BEST3: variants seen among roughly 807,000 people sequenced by gnomAD.
BEST3 encodes bestrophin-3.
BEST3 carries 50 observed loss-of-function variants against 47.1 expected under a neutral mutation model. The observed-to-expected ratio is 1.06, with a 90% CI of 0.85 to 1.34. The LOEUF is 1.34. BEST3 is among the 40% of genes most tolerant of loss of function. BEST3 has a pLI of 0.00. For synonymous variants in BEST3, 282 were observed against 298.8 expected, an observed-to-expected ratio of 0.94 and a Z score of 0.58; for missense variants, 765 against 817.0, an observed-to-expected ratio of 0.94 and a Z score of 0.78.
intron 9 of BEST3, among the ~76,000 whole-genome samples, chr12:69,666,126 TCTC>T (rs1445669429): frequency 1.3e-5 from 2 of 152,174 alleles, no homozygotes; most frequent in African/African-American, 4.8e-5. Flanking sequence ...TTCAAGTGAT[TCTC>T]CTGCTTCAGC....
At chr12:69,674,913 T>TTTTTTTTA (rs1884808333) in intron 7 of BEST3, among the ~76,000 whole-genome samples, 1 of 101,418 alleles carries the variant, frequency 9.9e-6, no homozygotes, top group Non-Finnish European at 2.1e-5. Context: ...TTTTTTTTTT[T>TTTTTTTTA]GGAGACAGAG....
Position 69,672,908 on chromosome 12 carries a change from A to C in BEST3, c.925T>G (p.Trp309Gly). 6.2e-7 allele frequency: 1 copy of C among 1,613,282 alleles called. No homozygotes were observed. The highest frequency in any genetic ancestry group is 8.5e-7 in the Non-Finnish European group (1 of 1,179,658). Residue 309 changes from tryptophan (W) to glycine (G), a missense_variant, in exon 8 of 10, where the codon TGG (tryptophan) becomes GGG (glycine). Coordinates refer to ENST00000330891, the MANE Select transcript of BEST3 (RefSeq NM_032735.3). ...GEDDDDFETN[W>G]CIDRNLQVSL... is the part of the protein sequence containing the mutation. ...ACCTGCAAATTTCTGTCAATGCACC[A>C]GTTAGTTTCAAAATCATCATCATCT...
chr12:69,649,150 C>T (rs1033279482), downstream of BEST3, among the ~76,000 whole-genome samples: 12 of 152,316 alleles, frequency 7.9e-5, no homozygotes, highest in South Asian at 6.2e-4. Flanking sequence ...TGCGCCACCA[C>T]GCCCGGCTAA....
intron 9 of BEST3, 44 bp downstream of exon 9, chr12:69,671,384 G>T (rs376923706): frequency 7.8e-5 from 120 of 1,532,500 alleles, no homozygotes; most frequent in Middle Eastern, 1.7e-4. Context: ...TCACTATGTT[G>T]CTCAGGCTGG....
chr12:69,658,028 C>T (rs1181416272), intron 9 of BEST3, among the ~76,000 whole-genome samples: 1 of 152,040 alleles, frequency 6.6e-6, no homozygotes, highest in Non-Finnish European at 1.5e-5. Context: ...CCACAGGCAC[C>T]CATTTAGTTA....
chr12:69,644,126 A>G (rs7308313), intron 9 of BEST3, among the ~76,000 whole-genome samples: 51,356 of 152,054 alleles, frequency 0.34, 9,068 homozygotes, highest in South Asian at 0.54. Context: ...TAGGGAATGT[A>G]TTTATAGAGA....
intron 2 of BEST3, among the ~76,000 whole-genome samples, chr12:69,696,968 T>C (rs1028420260): frequency 2.0e-5 from 3 of 152,192 alleles, no homozygotes; most frequent in African/African-American, 7.2e-5. Flanking sequence ...CTATAACTTT[T>C]CATCATAAAA....
At chr12:69,695,967 T>C (rs1218948569) in intron 2 of BEST3, among the ~76,000 whole-genome samples, 2 of 152,124 alleles carry the variant, frequency 1.3e-5, no homozygotes, top group Admixed American at 6.6e-5. Context: ...GTCAAATTCC[T>C]CCAAAAATAG....
At chr12:69,661,994 C>G (rs1396523062) in intron 9 of BEST3, among the ~76,000 whole-genome samples, 1 of 152,068 alleles carries the variant, frequency 6.6e-6, no homozygotes, top group East Asian at 1.9e-4. Context: ...AGTGGGGGTT[C>G]ACTTAAAGTT....
rs1408617094 is a variant in BEST3, at chr12:69,653,865, G to C, written c.*1042C>G. 2.0e-6 allele frequency: 2 copies of C among 985,272 alleles called. No individual in the cohort carries two copies. Among genetic ancestry groups the C allele is most frequent in the African/African-American group, 3.5e-5 (2 of 57,214 alleles). The allele number at this position is 985,272 out of a possible 1,614,324, so 61.0% of individuals were successfully genotyped here. A position where few individuals can be genotyped will look rare whatever the true frequency, so the allele number is the denominator to read the frequency against. On this transcript the variant is annotated 3_prime_UTR_variant, in exon 10 of 10. Transcript: ENST00000330891. ...GACACAGTAACTGGTCCCGTGTTGC[G>C]ACACGATTAGGATTTTTGCATAAGA...
rs1208147558 is a variant in BEST3 at position 69,667,952 on chromosome 12, T to A, written c.1100+3476A>T. On this transcript the variant is annotated intron_variant, in intron 9 of 9. Coordinates refer to ENST00000330891, the MANE Select transcript of BEST3 (RefSeq NM_032735.3). ...TTAAGATAGAAAGAAGGAAAATTAA[T>A]TTATTTGAGTTATATATATTTGGTA... 2.0e-5 allele frequency among the ~76,000 whole-genome samples: 3 copies of A among 152,324 alleles called. No individual in the cohort carries two copies. In the East Asian group the frequency reaches 5.8e-4, roughly 29 times the overall value.
chr12:69,684,566 A>C (rs1885446700), intron 4 of BEST3: 1 of 681,366 alleles, frequency 1.5e-6, no homozygotes, highest in African/African-American at 1.8e-5. Context: ...AAAGCTCTGC[A>C]TCTCAAAACT....
intron 4 of BEST3, among the ~76,000 whole-genome samples, chr12:69,684,981 GTTCTATTCTATTCTATTCTATTCTA>G (rs59611126): frequency 3.5e-5 from 5 of 142,092 alleles, no homozygotes; most frequent in African/African-American, 1.3e-4. Context: ...GCTTTCTGCT[GTTCTATTCTATTCTATTCTATTCTA>G]TTCTATTCTA....
rs1011568023 is a variant in BEST3 at position 69,656,834 on chromosome 12, G to T, written c.1101-1021C>A. ...GGTCAAGGGATGAGCTAGAGCCCAG[G>T]GTGGAATAGTGAGTAAAGCACAGTC... On this transcript the variant is annotated intron_variant, in intron 9 of 9. Coordinates refer to ENST00000330891, the MANE Select transcript of BEST3 (RefSeq NM_032735.3). 4.6e-5 allele frequency among the ~76,000 whole-genome samples: 7 copies of T among 152,094 alleles called. No homozygotes were observed. In the South Asian group the frequency reaches 1.5e-3, roughly 32 times the overall value.
At position 69,667,779 on chromosome 12, in the gene BEST3, G is replaced by A. The variant is rs544404430; in HGVS notation, c.1100+3649C>T. 2.0e-5 allele frequency among the ~76,000 whole-genome samples: 3 copies of A among 152,236 alleles called. No homozygotes were observed. The East Asian group carries it at 5.8e-4, about 29-fold the overall frequency. ...CACCTTACATCTGTGAGCTTGGGAG[G>A]TGTTTTTTTCTTTTCTTTTTTTGAC... On this transcript the variant is annotated intron_variant, in intron 9 of 9. Coordinates refer to ENST00000330891, the MANE Select transcript of BEST3 (RefSeq NM_032735.3).
At chr12:69,674,663 C>T (rs972027002) in intron 7 of BEST3, among the ~76,000 whole-genome samples, 52 of 152,140 alleles carry the variant, frequency 3.4e-4, no homozygotes, top group African/African-American at 1.2e-3. Context: ...CATGTATTAT[C>T]GTAGTCTACA....
intron 4 of BEST3, among the ~76,000 whole-genome samples, chr12:69,690,934 T>G (rs1207921649): frequency 6.6e-6 from 1 of 152,146 alleles, no homozygotes; most frequent in African/African-American, 2.4e-5. Flanking sequence ...TACCTGTACA[T>G]GTGCCAGGCC....
chr12:69,655,189 T>A lies in BEST3; in HGVS notation c.1725A>T (p.Ile575=), dbSNP rs1565820386. Residue 575 remains isoleucine (I), a synonymous_variant, in exon 10 of 10, where the codon ATA becomes ATT. Coordinates refer to ENST00000330891, the MANE Select transcript of BEST3 (RefSeq NM_032735.3). ...CACCAGGGTCTTCTTCACAGTTGAA[T>A]ATATTTTCCTCAGCGCTGGCTGAAA... ...QTVSASAEEN[I]FNCEEDPGDT... The A allele has an allele frequency of 9.3e-6, 15 of 1,614,118 alleles. No individual in the cohort carries two copies. The highest frequency in any genetic ancestry group is 1.3e-5 in the Non-Finnish European group (15 of 1,180,002).
chr12:69,686,858 T>C (rs1190047860), intron 4 of BEST3, among the ~76,000 whole-genome samples: 1 of 151,106 alleles, frequency 6.6e-6, no homozygotes, highest in Non-Finnish European at 1.5e-5. Context: ...CTGACTAGCC[T>C]GTAAGAATAG....
Sources: gnomAD v4.1 joint callset for allele counts (sites outside exome capture counted in the v4.1 genomes callset) on GRCh38, gnomAD v4.1.1 for gene constraint, MANE v1.5 for transcripts, NCBI Gene and HGNC (gene_info 2026-07-23, HGNC 2026-07-21) for gene names.